TNR: variants seen among roughly 807,000 people sequenced by gnomAD.
The protein encoded by TNR is tenascin-R.
A neutral mutation model predicts 150.4 loss-of-function variants in TNR; 45 were observed. The ratio of observed to expected loss-of-function variants is 0.30; its 90% confidence interval spans 0.24 to 0.38. The LOEUF is 0.38. TNR is among the 10% of genes least tolerant of loss of function. TNR has a pLI of 1.00. For missense variants in TNR, 1,544 were observed against 1,759.1 expected (o/e 0.88, Z 2.19); for synonymous variants, 687 against 678.4 (o/e 1.01, Z -0.20).
Position 175,406,378 on chromosome 1 carries a change from T to C in TNR, c.337A>G (p.Thr113Ala), listed in dbSNP as rs760050810. 9 of 1,614,012 alleles carry C rather than the reference T, an allele frequency of 5.6e-6. No homozygotes were observed. Among genetic ancestry groups the C allele is most frequent in the African/African-American group, 5.3e-5 (4 of 74,902 alleles). Residue 113 changes from threonine (T) to alanine (A), a missense_variant, in exon 3 of 23, where the codon ACC becomes GCC. By Grantham distance (58) the Thr-to-Ala change is moderately conservative. Around this residue, in one of 2 missense-constraint regions of TNR, gnomAD observed 1,254 missense variants for 1,329.4 expected, o/e 0.94. Transcript: ENST00000367674. ...GGGAAGTTGATCCTGTGTGTAAAGG[T>C]GACCTGGCTCTCGTGGTCTGAGGTC... ...GQTSDHESQV[T>A]FTHRINFPKK...
intron 2 of TNR, among the ~76,000 whole-genome samples, chr1:175,438,099 C>T (rs1426175310): frequency 6.6e-6 from 1 of 152,176 alleles, no homozygotes; most frequent in Non-Finnish European, 1.5e-5. Context: ...AGACCAATAT[C>T]CTTGATGAAC....
intron 20 of TNR, among the ~76,000 whole-genome samples, chr1:175,330,998 A>ATTCTTTCTTTCTTCT (rs1649723834): frequency 1.2e-4 from 9 of 72,826 alleles, no homozygotes; most frequent in African/African-American, 4.1e-4. Flanking sequence ...CCTCTTGGTG[A>ATTCTTTCTTTCTTCT]TTCTTTCTTT....
chr1:175,455,209 AC>A (rs557526311), intron 2 of TNR, among the ~76,000 whole-genome samples: 181 of 152,312 alleles, frequency 1.2e-3, no homozygotes, highest in African/African-American at 4.1e-3. Context: ...CCATTCTACT[AC>A]CCAGAGACCA....
chr1:175,324,623 A>G, intron 21 of TNR, 104 bp from the exon 22 acceptor site: 1 of 1,347,122 alleles, frequency 7.4e-7, no homozygotes, highest in Non-Finnish European at 1.0e-6. Context: ...CCACTTATGG[A>G]ACCTTTTCAT....
chr1:175,382,261 T>G, intron 8 of TNR, among the ~76,000 whole-genome samples: 1 of 152,254 alleles, frequency 6.6e-6, no homozygotes, highest in East Asian at 1.9e-4. Flanking sequence ...TGGCACCTGG[T>G]AGGTGTTCGA....
At chr1:175,381,337 CT>C (rs1652669939) in intron 8 of TNR, among the ~76,000 whole-genome samples, 2 of 152,152 alleles carry the variant, frequency 1.3e-5, no homozygotes, top group African/African-American at 4.8e-5. Context: ...CTACCTAGTG[CT>C]CTTCACAACT....
chr1:175,689,365 C>G (rs1666290479), intron 1 of TNR, among the ~76,000 whole-genome samples: 1 of 150,350 alleles, frequency 6.7e-6, no homozygotes, highest in South Asian at 2.1e-4. Flanking sequence ...CTTAATCTAC[C>G]CCAGGTTTTT....
chr1:175,512,161 T>C (rs1659205617), intron 2 of TNR, among the ~76,000 whole-genome samples: 1 of 152,118 alleles, frequency 6.6e-6, no homozygotes, highest in Non-Finnish European at 1.5e-5. Flanking sequence ...GAAAGAAGCA[T>C]GTAAAAGGGC....
chr1:175,455,315 G>A (rs1656521933), intron 2 of TNR, among the ~76,000 whole-genome samples: 1 of 152,174 alleles, frequency 6.6e-6, no homozygotes, highest in South Asian at 2.1e-4. Context: ...TAAGTTTTGG[G>A]GTGGTTTGTT....
intron 1 of TNR, among the ~76,000 whole-genome samples, chr1:175,726,213 C>G (rs767016948): frequency 1.4e-4 from 21 of 152,102 alleles, no homozygotes; most frequent in Admixed American, 1.3e-4. Context: ...TAATAAAAGG[C>G]CATACCAACA....
Position 175,379,616 on chromosome 1 carries a change from A to C in TNR, c.1899T>G (p.Gly633=), listed in dbSNP as rs1333728302. The C allele has an allele frequency of 6.2e-7, 1 of 1,614,098 alleles. No individual in the cohort carries two copies. Residue 633 remains glycine (G), a synonymous_variant, in exon 9 of 23, where the codon GGT becomes GGG. Coordinates refer to ENST00000367674, the MANE Select transcript of TNR (RefSeq NM_003285.3). The part of the protein sequence containing the change: ...EYKVVYSTLA[G]EQYHEVLVPR... ...GGACCAGTACCTCATGATATTGCTCACCCGCCAGGGTGCTGTACACAACCT... is the reference window on the plus strand; with the variant it reads ...GGACCAGTACCTCATGATATTGCTCCCCCGCCAGGGTGCTGTACACAACCT...
chr1:175,616,537 G>A (rs914906847), intron 1 of TNR, among the ~76,000 whole-genome samples: 2 of 152,150 alleles, frequency 1.3e-5, no homozygotes, highest in African/African-American at 4.8e-5. Context: ...CAGGATGGGG[G>A]CAGAGGAAAC....
chr1:175,639,044 A>G (rs1372839708), intron 1 of TNR, among the ~76,000 whole-genome samples: 1 of 152,182 alleles, frequency 6.6e-6, no homozygotes, highest in African/African-American at 2.4e-5. Context: ...TCAAGATTTG[A>G]TCACTCCTCC....
intron 2 of TNR, among the ~76,000 whole-genome samples, chr1:175,488,681 G>T (rs1056256397): frequency 6.6e-6 from 1 of 152,232 alleles, no homozygotes; most frequent in Non-Finnish European, 1.5e-5. Context: ...AGCTGCCACC[G>T]AAGTTCTACT....
chr1:175,480,419 A>AGAAAGAAAGAAAG (rs373622666), intron 2 of TNR, among the ~76,000 whole-genome samples: 104 of 111,024 alleles, frequency 9.4e-4, no homozygotes, highest in African/African-American at 2.8e-3. Flanking sequence ...AAAGAAAGAA[A>AGAAAGAAAGAAAG]AAAGAAAGAA....
chr1:175,650,681 A>C, intron 1 of TNR, among the ~76,000 whole-genome samples: 1 of 113,398 alleles, frequency 8.8e-6, no homozygotes, highest in African/African-American at 3.4e-5. Context: ...CCTCCACCTT[A>C]TTACTACCTT....
intron 1 of TNR, among the ~76,000 whole-genome samples, chr1:175,657,853 G>GTATGTATATA (rs1665231476): frequency 8.5e-5 from 6 of 70,460 alleles, no homozygotes; most frequent in Admixed American, 1.5e-4. Flanking sequence ...CATGGAACAT[G>GTATGTATATA]TATATATATA....
chr1:175,354,635 G>T (rs1571329471), intron 17 of TNR, 112 bp from the exon 18 acceptor site: 3 of 1,365,482 alleles, frequency 2.2e-6, no homozygotes, highest in Non-Finnish European at 3.1e-6. Flanking sequence ...TATTGCAATG[G>T]CCATTGTCAT....
At chr1:175,359,784 T>C in intron 14 of TNR, 53 bp from the exon 15 acceptor site, 1 of 1,555,844 alleles carries the variant, frequency 6.4e-7, no homozygotes, top group Admixed American at 1.9e-5. Context: ...AGGATAGAAA[T>C]GCAGGGAATG....
Sources: gnomAD v4.1 joint callset for allele counts (sites outside exome capture counted in the v4.1 genomes callset) on GRCh38, gnomAD v4.1.1 for gene constraint, gnomAD v4.1.1 regional missense constraint, MANE v1.5 for transcripts, NCBI Gene and HGNC (gene_info 2026-07-23, HGNC 2026-07-21) for gene names.